DOCK3: variants seen among roughly 807,000 people sequenced by gnomAD.
DOCK3 encodes dedicator of cytokinesis 3, also known as dedicator of cytokinesis protein 3.
DOCK3 carries 60 observed loss-of-function variants against 265.6 expected under a neutral mutation model. That is an observed-to-expected ratio of 0.23 (90% CI 0.18 to 0.28). DOCK3 has a LOEUF of 0.28. Ranked by LOEUF, DOCK3 falls within the 10% of genes least tolerant of loss-of-function variation. The pLI is 1.00. For synonymous variants in DOCK3, 881 were observed against 938.0 expected, an observed-to-expected ratio of 0.94 and a Z score of 1.11; for missense variants, 1,981 against 2,594.3, an observed-to-expected ratio of 0.76 and a Z score of 5.14.
intron 2 of DOCK3, among the ~76,000 whole-genome samples, chr3:50,813,476 C>T (rs952248696): frequency 6.6e-6 from 1 of 152,082 alleles, no homozygotes; most frequent in African/African-American, 2.4e-5. Flanking sequence ...GTGCAGTGAG[C>T]TGTGATCATC....
At chr3:50,902,776 A>G (rs962715682) in intron 4 of DOCK3, among the ~76,000 whole-genome samples, 1 of 152,142 alleles carries the variant, frequency 6.6e-6, no homozygotes, top group Non-Finnish European at 1.5e-5. Context: ...CAGTATGGCC[A>G]TTTTCACAAT....
chr3:50,934,170 G>A, intron 5 of DOCK3, 93 bp downstream of exon 5: 4 of 890,678 alleles, frequency 4.5e-6, no homozygotes, highest in Non-Finnish European at 6.6e-6. Flanking sequence ...TTAGATTTCT[G>A]AATATTTGCA....
intron 9 of DOCK3, among the ~76,000 whole-genome samples, chr3:51,126,811 C>T (rs9839860): frequency 0.91 from 138,663 of 152,132 alleles, 63,340 homozygotes; most frequent in African/African-American, 0.95. Context: ...AGATTTGTCA[C>T]ATAGGTAAAC....
chr3:51,153,130 C>A (rs1052773426), intron 10 of DOCK3, among the ~76,000 whole-genome samples: 3 of 152,224 alleles, frequency 2.0e-5, no homozygotes, highest in Non-Finnish European at 4.4e-5. Context: ...AGGCAGCAGG[C>A]CTTGCAGAGC....
chr3:50,946,189 A>G (rs2076423085), intron 5 of DOCK3, among the ~76,000 whole-genome samples: 1 of 149,930 alleles, frequency 6.7e-6, no homozygotes, highest in African/African-American at 2.5e-5. Context: ...TTGCTATTTC[A>G]TAGGAATGGG....
At chr3:50,846,519 TA>T (rs2046089436) in intron 3 of DOCK3, among the ~76,000 whole-genome samples, 1 of 152,156 alleles carries the variant, frequency 6.6e-6, no homozygotes, top group Non-Finnish European at 1.5e-5. Context: ...ATTGGTTTAG[TA>T]GAATGAGTTA....
intron 5 of DOCK3, among the ~76,000 whole-genome samples, chr3:50,981,287 C>A (rs535522635): frequency 6.6e-6 from 1 of 152,208 alleles, no homozygotes; most frequent in Admixed American, 6.5e-5. Flanking sequence ...TAGTTTTATT[C>A]CATTGTGACA....
At chr3:51,362,070 G>T in intron 48 of DOCK3, 73 bp downstream of exon 48, 1 of 1,503,132 alleles carries the variant, frequency 6.7e-7, no homozygotes, top group Non-Finnish European at 8.9e-7. Flanking sequence ...GCAATGTCTA[G>T]TCTGAGGGCT....
intron 32 of DOCK3, among the ~76,000 whole-genome samples, chr3:51,328,326 T>C (rs73837423): frequency 0.034 from 5,221 of 152,248 alleles, 325 homozygotes; most frequent in African/African-American, 0.12. Context: ...TCCCTTGTTA[T>C]AATCAGGCCC....
At chr3:50,780,691 A>G (rs924474959) in intron 2 of DOCK3, among the ~76,000 whole-genome samples, 2 of 152,186 alleles carry the variant, frequency 1.3e-5, no homozygotes, top group Admixed American at 6.5e-5. Flanking sequence ...TGGTTGAGAA[A>G]GTTCAATATT....
chr3:51,022,415 G>A (rs1291013572), intron 5 of DOCK3, among the ~76,000 whole-genome samples: 2 of 152,042 alleles, frequency 1.3e-5, no homozygotes, highest in African/African-American at 4.8e-5. Flanking sequence ...ATTGAATTAT[G>A]GCTTGATGTC....
intron 14 of DOCK3, among the ~76,000 whole-genome samples, chr3:51,215,610 G>A (rs2089738553): frequency 6.6e-6 from 1 of 152,160 alleles, no homozygotes; most frequent in Non-Finnish European, 1.5e-5. Context: ...CAAAGAGTTG[G>A]GTAGCTTGGG....
At chr3:51,053,119 A>ATATATATG (rs1365143056) in intron 5 of DOCK3, among the ~76,000 whole-genome samples, 8 of 122,190 alleles carry the variant, frequency 6.5e-5, no homozygotes, top group African/African-American at 2.4e-4. Context: ...ATATATATAT[A>ATATATATG]TATGGATTTT....
At chr3:51,145,029 C>G (rs1186994442) in intron 9 of DOCK3, among the ~76,000 whole-genome samples, 1 of 152,182 alleles carries the variant, frequency 6.6e-6, no homozygotes, top group Non-Finnish European at 1.5e-5. Context: ...CCAAATGTTG[C>G]AAACACTGTT....
intron 1 of DOCK3, among the ~76,000 whole-genome samples, chr3:50,728,448 A>G (rs1388770274): frequency 6.6e-6 from 1 of 152,162 alleles, no homozygotes; most frequent in Non-Finnish European, 1.5e-5. Flanking sequence ...AAGGAAAGAA[A>G]TAAAGATAAG....
At chr3:50,888,046 A>G (rs36070379) in intron 3 of DOCK3, among the ~76,000 whole-genome samples, 15,042 of 152,146 alleles carry the variant, frequency 0.099, 920 homozygotes, top group Non-Finnish European at 0.13. Context: ...AGGATATTCA[A>G]TTAGGAAAAG....
intron 31 of DOCK3, among the ~76,000 whole-genome samples, chr3:51,313,377 A>C (rs147807367): frequency 6.2e-4 from 95 of 152,350 alleles, no homozygotes; most frequent in African/African-American, 2.2e-3. Flanking sequence ...ACTTGACACC[A>C]GTTGCATGGA....
At chr3:50,959,017 G>T (rs570050916) in intron 5 of DOCK3, among the ~76,000 whole-genome samples, 1 of 152,228 alleles carries the variant, frequency 6.6e-6, no homozygotes, top group South Asian at 2.1e-4. Flanking sequence ...TCCAGCTTTA[G>T]AATATTTCCA....
At chr3:51,249,505 G>C (rs1576535423) in intron 22 of DOCK3, among the ~76,000 whole-genome samples, 1 of 95,118 alleles carries the variant, frequency 1.1e-5, no homozygotes, top group Non-Finnish European at 2.2e-5. Flanking sequence ...GGGAGGTGGG[G>C]GGGTCAGCTC....
Sources: allele counts gnomAD v4.1 joint callset (sites outside exome capture counted in the v4.1 genomes callset), GRCh38; gene constraint gnomAD v4.1.1; transcripts MANE v1.5; gene names NCBI Gene and HGNC (gene_info 2026-07-23, HGNC 2026-07-21).